The following CASZ1 variants were observed in gnomAD, a reference collection of about 807,000 sequenced individuals.
The protein encoded by CASZ1 is zinc finger protein castor homolog 1.
In CASZ1, 28 loss-of-function variants were observed where a neutral mutation model predicts 135.2. The ratio of observed to expected loss-of-function variants is 0.21; its 90% CI spans 0.15 to 0.28. The LOEUF is 0.28. Among genes scored for constraint, CASZ1 ranks in the 10% least tolerant of loss-of-function variants. CASZ1 has a pLI of 1.00. For missense variants in CASZ1, 2,161 were observed against 2,453.3 expected (o/e 0.88, Z 2.52); for synonymous variants, 1,068 against 1,073.4 (o/e 0.99, Z 0.10).
Position 10,747,495 on chromosome 1 carries a change from C to T in CASZ1, c.-77+13206G>A, listed in dbSNP as rs1490123049. Among the ~76,000 whole-genome samples the T allele has an allele frequency of 6.6e-6, 1 of 152,188 alleles. No homozygotes were observed. The highest frequency in any genetic ancestry group is 1.5e-5 in the Non-Finnish European group (1 of 68,032). On this transcript the variant is annotated intron_variant, in intron 2 of 20. Coordinates refer to ENST00000377022, the MANE Select transcript of CASZ1 (RefSeq NM_001079843.3). The surrounding 1 kb of genome is among the most constrained non-coding windows in gnomAD (Gnocchi z 4.3). ...GTCAGGGAAGAACCCTGGAGTAGAA[C>T]ACATCTCAGCACACCTCCAGTGAGT... is the stretch of plus-strand genomic sequence containing the variant.
rs568645476 is a variant in CASZ1, at chr1:10,772,181, A to G, written c.-233-11324T>C. ...GCCTGGAGGAAGGAGGAGAAGGGGC[A>G]TGGGTGGGAGAAAGAAGAGGCAGTC... On this transcript the variant is annotated intron_variant, in intron 1 of 20. Coordinates refer to ENST00000377022, the MANE Select transcript of CASZ1 (RefSeq NM_001079843.3). Among the ~76,000 whole-genome samples the G allele has an allele frequency of 2.0e-5, 3 of 152,308 alleles. No individual in the cohort carries two copies. The East Asian group carries it at 5.8e-4, about 29-fold the overall frequency.
rs187765146 is a variant in CASZ1 at position 10,753,812 on chromosome 1, G to A, written c.-77+6889C>T. On this transcript the variant is annotated intron_variant, in intron 2 of 20. Transcript: ENST00000377022. ...TATGCGACCTGTGAGAGGCGGAGTCGGTGACAGGTGGGTCTTGTTTTTTAA... is the reference window on the plus strand; with the variant it reads ...TATGCGACCTGTGAGAGGCGGAGTCAGTGACAGGTGGGTCTTGTTTTTTAA... 3.9e-5 allele frequency among the ~76,000 whole-genome samples: 6 copies of A among 152,246 alleles called. No homozygotes were observed. The East Asian group carries it at 7.7e-4, about 20-fold the overall frequency.
rs938126630 is a variant in CASZ1, at chr1:10,666,278, G to A, written c.17-707C>T. ...ACTCAGGACCCTCCCGAAGGCCTCCGTGTTCCTCAGTCTCCTCCCTGCCTC... is the reference window on the plus strand; with the variant it reads ...ACTCAGGACCCTCCCGAAGGCCTCCATGTTCCTCAGTCTCCTCCCTGCCTC... On this transcript the variant is annotated intron_variant, in intron 4 of 20. Transcript: ENST00000377022. This position sits in a 1 kb window ranked among gnomAD's most constrained non-coding sequence, Gnocchi z 5.2. Among the ~76,000 whole-genome samples, 2 of 152,138 alleles carry A rather than the reference G, an allele frequency of 1.3e-5. No individual in the cohort carries two copies. The highest frequency in any genetic ancestry group is 6.5e-5 in the Admixed American group (1 of 15,282).
intron 2 of CASZ1, among the ~76,000 whole-genome samples, chr1:10,751,269 G>A (rs543271968): frequency 2.6e-5 from 4 of 152,252 alleles, no homozygotes; most frequent in Admixed American, 6.5e-5. Flanking sequence ...CCCTGAGGGG[G>A]TCTGGCCAGG....
In CASZ1 at chr1:10,646,238, A is replaced by G; in HGVS notation, c.3586T>C (p.Ser1196Pro). 1 of 1,614,168 alleles carries G rather than the reference A, an allele frequency of 6.2e-7. No homozygotes were observed. The highest frequency in any genetic ancestry group is 1.1e-5 in the South Asian group (1 of 91,084). ...AGGCAGTGGGATTCGGCCTTGCCAG[A>G]CGTTTTGCAGACGTACTTGCAGTTC... is the stretch of plus-strand genomic sequence containing the variant. ...FGNCKYVCKT[S>P]GKAESHCLDH... Residue 1196 changes from serine (S) to proline (P), a missense_variant, in exon 17 of 21, where the codon TCT becomes CCT. Around this residue, in one of 7 missense-constraint regions of CASZ1, gnomAD observed 349 missense variants for 460.8 expected, o/e 0.76. Coordinates refer to ENST00000377022, the MANE Select transcript of CASZ1 (RefSeq NM_001079843.3). The surrounding 1 kb of genome is among the most constrained non-coding windows in gnomAD (Gnocchi z 6.4).
At chr1:10,783,560 A>C (rs184057012) in intron 1 of CASZ1, among the ~76,000 whole-genome samples, 87 of 152,152 alleles carry the variant, frequency 5.7e-4, no homozygotes, top group Non-Finnish European at 5.9e-5. Flanking sequence ...AGGCCCAAAC[A>C]CTATTCAATA....
chr1:10,734,801 T>C (rs1168054285), intron 2 of CASZ1, among the ~76,000 whole-genome samples: 2 of 152,236 alleles, frequency 1.3e-5, no homozygotes, highest in Non-Finnish European at 2.9e-5. Context: ...GGAAGGTGTA[T>C]GGCACAGTCC....
chr1:10,689,529 G>GA (rs1638701155), intron 4 of CASZ1, among the ~76,000 whole-genome samples: 2 of 152,140 alleles, frequency 1.3e-5, no homozygotes, highest in Non-Finnish European at 2.9e-5. Flanking sequence ...TCCCTACCAG[G>GA]GAAAAAGGGC....
intron 3 of CASZ1, 63 bp downstream of exon 3, chr1:10,705,429 A>G (rs757266191): frequency 4.6e-5 from 7 of 152,358 alleles, no homozygotes; most frequent in Non-Finnish European, 1.0e-4. Context: ...TGACACGTGC[A>G]TTAGGTGAGT....
At position 10,717,174 on chromosome 1, in the gene CASZ1, T is replaced by C. The variant is rs1182720919; in HGVS notation, c.-76-11630A>G. ...TCTGGAAGAATCAAAATCATTATAG[T>C]ATTTTTACCTAATGACAGAAAAATC... On this transcript the variant is annotated intron_variant, in intron 2 of 20. Transcript: ENST00000377022. This position sits in a 1 kb window ranked among gnomAD's most constrained non-coding sequence, Gnocchi z 4.6. Among the ~76,000 whole-genome samples, 4 of 152,188 alleles carry C rather than the reference T, an allele frequency of 2.6e-5. No individual in the cohort carries two copies. Among genetic ancestry groups the C allele is most frequent in the African/African-American group, 9.7e-5 (4 of 41,440 alleles).
chr1:10,642,435 T>G, intron 20 of CASZ1: 3 of 163,778 alleles, frequency 1.8e-5, no homozygotes, highest in East Asian at 3.6e-4. Context: ...AGGTATGGCA[T>G]GAAAATGTGT....
In CASZ1 at chr1:10,638,740, C is replaced by G. The variant is rs1213599835; in HGVS notation, c.*202G>C. On this transcript the variant is annotated 3_prime_UTR_variant, in exon 21 of 21. Transcript: ENST00000377022. This position sits in a 1 kb window ranked among gnomAD's most constrained non-coding sequence, Gnocchi z 5.9. ...CTTCTGTTTCCCTGAAGAGACCCGG[C>G]CTCCCTAGAGCAGGGCCACCGCCGC... 4 of 318,258 alleles carry G rather than the reference C, an allele frequency of 1.3e-5. No individual in the cohort carries two copies. The highest frequency in any genetic ancestry group is 1.8e-5 in the Non-Finnish European group (4 of 220,138). 19.7% of individuals were successfully genotyped at this position (318,258 alleles called of 1,614,324 possible).
At chr1:10,714,573 C>G (rs567054182) in intron 2 of CASZ1, among the ~76,000 whole-genome samples, 1 of 152,198 alleles carries the variant, frequency 6.6e-6, no homozygotes, top group African/African-American at 2.4e-5. Context: ...CTGGGCTGGC[C>G]GTGCTTTCAC....
chr1:10,665,916 G>C (rs1643219396), intron 4 of CASZ1, among the ~76,000 whole-genome samples: 1 of 152,188 alleles, frequency 6.6e-6, no homozygotes, highest in African/African-American at 2.4e-5. Context: ...CTGGGCCCTG[G>C]GAGGGGGTGT....
chr1:10,746,032 G>A (rs1267240736), intron 2 of CASZ1, among the ~76,000 whole-genome samples: 1 of 152,218 alleles, frequency 6.6e-6, no homozygotes, highest in Non-Finnish European at 1.5e-5. Flanking sequence ...TGGCGTGCCC[G>A]GCCCACTGGC....
intron 1 of CASZ1, among the ~76,000 whole-genome samples, chr1:10,778,065 T>C (rs1640693167): frequency 6.6e-6 from 1 of 150,832 alleles, no homozygotes; most frequent in South Asian, 2.1e-4. Context: ...ACGCAAAATC[T>C]CACACACACA....
intron 3 of CASZ1, among the ~76,000 whole-genome samples, chr1:10,702,588 A>AC (rs1639083401): frequency 6.6e-6 from 1 of 152,004 alleles, no homozygotes. Context: ...CCTGGCAATG[A>AC]CCCGGGCCAG....
intron 2 of CASZ1, among the ~76,000 whole-genome samples, chr1:10,715,318 G>A (rs1170441207): frequency 6.6e-6 from 1 of 152,120 alleles, no homozygotes. Flanking sequence ...CTTGGTGACT[G>A]TCTACGATGG....
rs574068858 is a variant in CASZ1, at chr1:10,759,893, AAC to A, written c.-77+806_-77+807del. Reference sequence around the variant, plus strand: ...CTAGACCTTGCCCGTGAACTTCGCAAACACCCAATCCCTCTGGACTGGTTTCC... The same window carrying A: ...CTAGACCTTGCCCGTGAACTTCGCAAACCCAATCCCTCTGGACTGGTTTCC... On this transcript the variant is annotated intron_variant, in intron 2 of 20. Transcript: ENST00000377022. This position sits in a 1 kb window ranked among gnomAD's most constrained non-coding sequence, Gnocchi z 4.2. 8.3e-4 allele frequency among the ~76,000 whole-genome samples: 127 copies of A among 152,300 alleles called. No homozygotes were observed. Among genetic ancestry groups the A allele is most frequent in the Non-Finnish European group, 1.5e-3 (104 of 68,020 alleles).
Sources: gnomAD v4.1 joint callset for allele counts (sites outside exome capture counted in the v4.1 genomes callset) on GRCh38, gnomAD v4.1.1 for gene constraint, gnomAD v4.1.1 regional missense constraint, Gnocchi (gnomAD v3.1) non-coding constraint, MANE v1.5 for transcripts, NCBI Gene and HGNC (gene_info 2026-07-23, HGNC 2026-07-21) for gene names.